The following PACRG variants were observed in gnomAD, a reference collection of about 807,000 sequenced individuals.
PACRG encodes parkin coregulated gene protein.
PACRG carries 29 observed loss-of-function variants against 29.7 expected under a neutral mutation model. The ratio of observed to expected loss-of-function variants is 0.98; its 90% CI spans 0.73 to 1.33. PACRG has a LOEUF of 1.33. PACRG is among the 40% of genes most tolerant of loss of function. PACRG has a pLI of 0.00. For synonymous variants in PACRG, 116 were observed against 118.7 expected (o/e 0.98, Z 0.15); for missense variants, 279 against 316.2 (o/e 0.88, Z 0.89).
In PACRG at chr6:162,914,519, T is replaced by G. The variant is rs527276622; in HGVS notation, c.291+100238T>G. On this transcript the variant is annotated intron_variant, in intron 2 of 4. Coordinates refer to ENST00000366888, the MANE Select transcript of PACRG (RefSeq NM_001080379.2). ...TTTTGTACTTTTTTGTTTTTTTTTT[T>G]TTTTTTTTTTTAGTTGTTTGGGCTT... is the stretch of plus-strand genomic sequence containing the variant. Among the ~76,000 whole-genome samples, 468 of 147,684 alleles carry G rather than the reference T, an allele frequency of 3.2e-3. 7 individuals are homozygous for G. Among genetic ancestry groups the G allele is most frequent in the African/African-American group, 0.011 (442 of 40,612 alleles).
At chr6:163,011,342 C>T (rs7774065) in intron 2 of PACRG, among the ~76,000 whole-genome samples, 27,713 of 152,080 alleles carry the variant, frequency 0.18, 3,102 homozygotes, top group African/African-American at 0.31. Context: ...GAAATAAACC[C>T]CTACAGCAAG....
At chr6:162,794,944 A>G (rs1371425721) in intron 1 of PACRG, among the ~76,000 whole-genome samples, 5 of 152,098 alleles carry the variant, frequency 3.3e-5, no homozygotes, top group South Asian at 2.1e-4. Context: ...GTGAATGAAT[A>G]CTATGAATAT....
intron 2 of PACRG, among the ~76,000 whole-genome samples, chr6:162,900,209 C>G (rs1172789498): frequency 6.6e-6 from 1 of 152,108 alleles, no homozygotes; most frequent in Non-Finnish European, 1.5e-5. Context: ...CATATGCACT[C>G]ACAATGCTCA....
chr6:162,987,300 C>A (rs1446576471), intron 2 of PACRG, among the ~76,000 whole-genome samples: 2 of 152,142 alleles, frequency 1.3e-5, no homozygotes, highest in Admixed American at 6.5e-5. Context: ...CTGGGTCTAG[C>A]CACTCTGTGG....
chr6:163,062,939 G>A (rs762527317), intron 3 of PACRG, among the ~76,000 whole-genome samples: 20 of 152,222 alleles, frequency 1.3e-4, no homozygotes, highest in Non-Finnish European at 2.4e-4. Flanking sequence ...GTTGTCCCAC[G>A]TGACAGCCTT....
Position 163,188,374 on chromosome 6 carries a change from T to C in PACRG, c.613+98966T>C, listed in dbSNP as rs577434806. 1.6e-4 allele frequency among the ~76,000 whole-genome samples: 25 copies of C among 152,314 alleles called. 1 individual carries two copies. The South Asian group carries it at 3.5e-3, about 21-fold the overall frequency. On this transcript the variant is annotated intron_variant, in intron 4 of 4. Coordinates refer to ENST00000366888, the MANE Select transcript of PACRG (RefSeq NM_001080379.2). ...GATCAAAATGATTGAGCTTACTAAC[T>C]CTAAATTAAGGAGTGTCTATTTAAG...
intron 4 of PACRG, among the ~76,000 whole-genome samples, chr6:163,258,972 C>T (rs964639139): frequency 5.3e-5 from 8 of 151,950 alleles, no homozygotes; most frequent in African/African-American, 1.9e-4. Flanking sequence ...AGTTCTTGTC[C>T]CCGAGGAACT....
intron 1 of PACRG, among the ~76,000 whole-genome samples, chr6:162,735,368 G>C (rs1158029022): frequency 6.6e-6 from 1 of 152,112 alleles, no homozygotes; most frequent in African/African-American, 2.4e-5. Flanking sequence ...TGCTATATGA[G>C]AGTGCTGTTT....
chr6:162,789,135 A>G (rs1004124739), intron 1 of PACRG, among the ~76,000 whole-genome samples: 2 of 152,174 alleles, frequency 1.3e-5, no homozygotes, highest in African/African-American at 2.4e-5. Context: ...ATTTTGTTGT[A>G]AAACTAAAGA....
intron 4 of PACRG, among the ~76,000 whole-genome samples, chr6:163,271,642 T>C (rs1585388942): frequency 6.6e-6 from 1 of 152,260 alleles, no homozygotes; most frequent in Admixed American, 6.5e-5. Flanking sequence ...ATGACGCATG[T>C]ATATCAATTA....
chr6:163,116,224 G>A (rs1326563513), intron 4 of PACRG, among the ~76,000 whole-genome samples: 1 of 152,208 alleles, frequency 6.6e-6, no homozygotes, highest in African/African-American at 2.4e-5. Flanking sequence ...AAAAGGCGAA[G>A]GAGAAGCAGG....
At position 162,939,299 on chromosome 6, in the gene PACRG, A is replaced by T. The variant is rs529355966; in HGVS notation, c.292-122851A>T. On this transcript the variant is annotated intron_variant, in intron 2 of 4. Coordinates refer to ENST00000366888, the MANE Select transcript of PACRG (RefSeq NM_001080379.2). ...AATCTAAGACCTGAAACTATAAAAA[A>T]CCTAGAAGATAACATTGGAAAAACC... Among the ~76,000 whole-genome samples the T allele has an allele frequency of 2.5e-4, 38 of 152,270 alleles. No homozygotes were observed. The South Asian group carries it at 7.3e-3, about 29-fold the overall frequency.
intron 4 of PACRG, among the ~76,000 whole-genome samples, chr6:163,130,527 T>C (rs2128328798): frequency 6.6e-6 from 1 of 152,334 alleles, no homozygotes; most frequent in Middle Eastern, 3.4e-3. Context: ...AGCCAGTCTT[T>C]GGAAGCATCT....
intron 4 of PACRG, chr6:163,245,112 C>A: frequency 2.3e-6 from 1 of 435,114 alleles, no homozygotes; most frequent in South Asian, 1.7e-5. Flanking sequence ...ATATGAATGT[C>A]ACACATTTCA....
intron 1 of PACRG, among the ~76,000 whole-genome samples, chr6:162,735,230 A>C (rs1253720354): frequency 6.6e-6 from 1 of 152,186 alleles, no homozygotes; most frequent in African/African-American, 2.4e-5. Context: ...TGGAGAAAGT[A>C]TCTACGCATG....
chr6:163,043,142 T>A (rs1434662207), intron 2 of PACRG: 1 of 152,218 alleles, frequency 6.6e-6, no homozygotes, highest in Non-Finnish European at 1.5e-5. Context: ...TGCTGTGTCC[T>A]TCACGAATGA....
At chr6:163,127,506 A>G (rs1816565751) in intron 4 of PACRG, among the ~76,000 whole-genome samples, 1 of 152,168 alleles carries the variant, frequency 6.6e-6, no homozygotes, top group South Asian at 2.1e-4. Flanking sequence ...GGTCTGCCGC[A>G]CAAGTGTGTC....
chr6:163,073,249 G>C (rs1407518134), intron 3 of PACRG, among the ~76,000 whole-genome samples: 1 of 152,048 alleles, frequency 6.6e-6, no homozygotes, highest in Non-Finnish European at 1.5e-5. Context: ...CAGTGGAACA[G>C]CATAGATAAG....
At chr6:163,296,251 G>A (rs1585408530) in intron 4 of PACRG, among the ~76,000 whole-genome samples, 1 of 152,050 alleles carries the variant, frequency 6.6e-6, no homozygotes, top group African/African-American at 2.4e-5. Flanking sequence ...ATCATAACAG[G>A]ACTTAAAGGA....
Sources: allele counts gnomAD v4.1 joint callset (sites outside exome capture counted in the v4.1 genomes callset), GRCh38; gene constraint gnomAD v4.1.1; transcripts MANE v1.5; gene names NCBI Gene and HGNC (gene_info 2026-07-23, HGNC 2026-07-21).